NKAIN3: variants seen among roughly 807,000 people sequenced by gnomAD.
NKAIN3 encodes the protein sodium/potassium-transporting ATPase subunit beta-1-interacting protein 3.
A neutral mutation model predicts 30.2 loss-of-function variants in NKAIN3; 25 were observed. The observed-to-expected ratio is 0.83, with a 90% confidence interval of 0.60 to 1.16. The LOEUF is 1.16. Among genes scored for constraint, NKAIN3 ranks in the 50% most tolerant of loss-of-function variants. The pLI, the probability that NKAIN3 is intolerant of heterozygous loss-of-function variation, is 0.00. For missense variants in NKAIN3, 225 were observed against 254.1 expected, an observed-to-expected ratio of 0.89 and a Z score of 0.78; for synonymous variants, 91 against 89.6, an observed-to-expected ratio of 1.02 and a Z score of -0.09.
chr8:62,493,538 A>T (rs1194513287), intron 1 of NKAIN3, among the ~76,000 whole-genome samples: 10 of 151,924 alleles, frequency 6.6e-5, no homozygotes, highest in South Asian at 6.2e-4. Flanking sequence ...AATTTTTAAA[A>T]TTTTTTTCTA....
At position 62,989,960 on chromosome 8, in the gene NKAIN3, G is replaced by T. The variant is rs537746523; in HGVS notation, c.533-9271G>T. Among the ~76,000 whole-genome samples, 113 of 152,170 alleles carry T rather than the reference G, an allele frequency of 7.4e-4. 1 individual carries two copies. The highest frequency in any genetic ancestry group is 2.7e-3 in the African/African-American group (110 of 41,508). ...AACCTTTCTAACCTGGAGCCATAAG[G>T]TTATCATTCCCTGCCCTGCACACAA... On this transcript the variant is annotated intron_variant, in intron 5 of 5. Transcript: ENST00000519049.
At chr8:62,557,284 G>C (rs1394592140) in intron 1 of NKAIN3, among the ~76,000 whole-genome samples, 1 of 152,016 alleles carries the variant, frequency 6.6e-6, no homozygotes, top group African/African-American at 2.4e-5. Context: ...ATATACCACA[G>C]TTTCTTTATT....
At chr8:62,255,768 T>C (rs1654440741) in intron 1 of NKAIN3, among the ~76,000 whole-genome samples, 1 of 152,156 alleles carries the variant, frequency 6.6e-6, no homozygotes, top group Non-Finnish European at 1.5e-5. Flanking sequence ...AGGCCAGGCC[T>C]GAGGACTCCT....
chr8:62,587,682 G>A (rs1162198845), intron 2 of NKAIN3, among the ~76,000 whole-genome samples: 6 of 151,956 alleles, frequency 3.9e-5, no homozygotes, highest in Admixed American at 2.0e-4. Flanking sequence ...CCTCTACCTC[G>A]GTTTCAGTGT....
intron 3 of NKAIN3, among the ~76,000 whole-genome samples, chr8:62,628,796 G>A (rs1811863987): frequency 2.0e-5 from 3 of 152,058 alleles, no homozygotes; most frequent in Admixed American, 1.3e-4. Flanking sequence ...TATTCAAGAT[G>A]ATATTTTTTT....
intron 4 of NKAIN3, among the ~76,000 whole-genome samples, chr8:62,869,299 C>T (rs1297774231): frequency 6.6e-6 from 1 of 152,144 alleles, no homozygotes; most frequent in Non-Finnish European, 1.5e-5. Flanking sequence ...TGTCCTAATG[C>T]TCTCCCTCCC....
chr8:62,369,027 A>G (rs1439102664), intron 1 of NKAIN3, among the ~76,000 whole-genome samples: 2 of 152,100 alleles, frequency 1.3e-5, no homozygotes, highest in Admixed American at 6.6e-5. Flanking sequence ...CATGTAAGGT[A>G]GCAATTGAGC....
chr8:62,417,086 C>A (rs1220095116), intron 1 of NKAIN3, among the ~76,000 whole-genome samples: 1 of 151,814 alleles, frequency 6.6e-6, no homozygotes, highest in South Asian at 2.1e-4. Context: ...TTTTTTCACA[C>A]CCATTAACCT....
chr8:62,553,247 A>G (rs1809272992), intron 1 of NKAIN3, among the ~76,000 whole-genome samples: 1 of 152,146 alleles, frequency 6.6e-6, no homozygotes, highest in South Asian at 2.1e-4. Flanking sequence ...ATTTATTACT[A>G]AATCTATTAT....
intron 4 of NKAIN3, among the ~76,000 whole-genome samples, chr8:62,870,770 T>G (rs56266890): frequency 0.11 from 16,163 of 144,952 alleles, 1,065 homozygotes; most frequent in African/African-American, 0.15. Flanking sequence ...TAGATATATA[T>G]AGAGAGATAT....
intron 1 of NKAIN3, among the ~76,000 whole-genome samples, chr8:62,392,316 G>A (rs1244811123): frequency 2.0e-5 from 3 of 151,872 alleles, no homozygotes; most frequent in Non-Finnish European, 4.4e-5. Flanking sequence ...AGAGCATTTT[G>A]GTAACTATAA....
intron 1 of NKAIN3, among the ~76,000 whole-genome samples, chr8:62,542,832 C>T (rs937662814): frequency 2.0e-5 from 3 of 152,108 alleles, no homozygotes; most frequent in African/African-American, 4.8e-5. Flanking sequence ...TCTGGCTTTG[C>T]TATTTGTTTT....
At chr8:62,787,845 C>T (rs536943116) in intron 4 of NKAIN3, among the ~76,000 whole-genome samples, 3 of 152,096 alleles carry the variant, frequency 2.0e-5, no homozygotes, top group East Asian at 3.9e-4. Context: ...CATGTCCCTA[C>T]AAAGGATGGG....
intron 1 of NKAIN3, among the ~76,000 whole-genome samples, chr8:62,570,564 A>T (rs891184267): frequency 6.6e-6 from 1 of 152,056 alleles, no homozygotes; most frequent in African/African-American, 2.4e-5. Context: ...CCCATTTTTA[A>T]AACTATCAGA....
intron 4 of NKAIN3, among the ~76,000 whole-genome samples, chr8:62,801,051 G>A (rs1333793810): frequency 2.0e-5 from 3 of 152,196 alleles, no homozygotes; most frequent in East Asian, 3.9e-4. Flanking sequence ...CAAGGCAGCA[G>A]CAAGGCTGGG....
chr8:62,556,526 A>G (rs1280760419), intron 1 of NKAIN3, among the ~76,000 whole-genome samples: 3 of 151,872 alleles, frequency 2.0e-5, no homozygotes, highest in African/African-American at 7.2e-5. Flanking sequence ...TTAAAAGACA[A>G]AGATTCTCAG....
intron 1 of NKAIN3, among the ~76,000 whole-genome samples, chr8:62,343,817 A>T (rs927668417): frequency 3.3e-5 from 5 of 152,070 alleles, no homozygotes; most frequent in African/African-American, 1.2e-4. Context: ...TCTCTTAAAA[A>T]AAAAGTATAC....
intron 1 of NKAIN3, among the ~76,000 whole-genome samples, chr8:62,425,149 C>T (rs118186597): frequency 1.3e-5 from 2 of 151,750 alleles, no homozygotes; most frequent in East Asian, 3.9e-4. Context: ...TGGGGAGTTG[C>T]TATTCAACAG....
At chr8:62,251,067 G>C (rs1033369637) in intron 1 of NKAIN3, among the ~76,000 whole-genome samples, 2 of 152,116 alleles carry the variant, frequency 1.3e-5, no homozygotes, top group Non-Finnish European at 2.9e-5. Flanking sequence ...CATATTTGCT[G>C]AATTTTTGAT....
Sources: gnomAD v4.1 joint callset for allele counts (sites outside exome capture counted in the v4.1 genomes callset) on GRCh38, gnomAD v4.1.1 for gene constraint, MANE v1.5 for transcripts, NCBI Gene and HGNC (gene_info 2026-07-23, HGNC 2026-07-21) for gene names.